The following STAG1 variants were observed in gnomAD, a reference collection of about 807,000 sequenced individuals.
STAG1 encodes cohesin subunit SA-1.
Under a neutral mutation model 170.9 loss-of-function variants are expected in STAG1, and 26 were observed. The ratio of observed to expected loss-of-function variants is 0.15; its 90% CI spans 0.11 to 0.21. STAG1 has a LOEUF of 0.21. Ranked by LOEUF, STAG1 falls within the 10% of genes least tolerant of loss-of-function variation. STAG1 has a pLI of 1.00. For synonymous variants in STAG1, 514 were observed against 497.7 expected (o/e 1.03, Z -0.44); for missense variants, 964 against 1,509.5 (o/e 0.64, Z 5.99).
At chr3:136,394,200 C>A (rs2087088268) in intron 22 of STAG1, among the ~76,000 whole-genome samples, 1 of 152,140 alleles carries the variant, frequency 6.6e-6, no homozygotes, top group African/African-American at 2.4e-5. Flanking sequence ...GCCACTGCAC[C>A]CAGCTGAAAC....
At chr3:136,502,175 TC>T (rs201709669) in intron 8 of STAG1, among the ~76,000 whole-genome samples, 1 of 149,798 alleles carries the variant, frequency 6.7e-6, no homozygotes, top group African/African-American at 2.5e-5. Context: ...CGAAACTCCA[TC>T]CCCCAAAAAA....
At chr3:136,437,686 T>C (rs1254459594) in intron 15 of STAG1, among the ~76,000 whole-genome samples, 3 of 152,210 alleles carry the variant, frequency 2.0e-5, no homozygotes, top group African/African-American at 7.2e-5. Context: ...CTCTGCAATA[T>C]ATATTATTAA....
chr3:136,742,290 G>A (rs113396797), intron 1 of STAG1, among the ~76,000 whole-genome samples: 7 of 151,954 alleles, frequency 4.6e-5, no homozygotes, highest in African/African-American at 1.4e-4. Context: ...TAACCAAGAT[G>A]GACCATATGC....
At chr3:136,717,148 C>T (rs1178991990) in intron 1 of STAG1, among the ~76,000 whole-genome samples, 4 of 152,140 alleles carry the variant, frequency 2.6e-5, no homozygotes, top group Non-Finnish European at 4.4e-5. Flanking sequence ...GTTAACCCTG[C>T]CTCAACACCT....
intron 1 of STAG1, among the ~76,000 whole-genome samples, chr3:136,738,188 GAT>G (rs1422961312): frequency 6.6e-6 from 1 of 152,050 alleles, no homozygotes; most frequent in Admixed American, 6.6e-5. Flanking sequence ...AGAAGACACT[GAT>G]CAAACAGATA....
chr3:136,380,376 G>C (rs764529998), intron 22 of STAG1, among the ~76,000 whole-genome samples: 2 of 152,086 alleles, frequency 1.3e-5, no homozygotes, highest in Middle Eastern at 3.4e-3. Context: ...TGAGTAGCTG[G>C]GACTACAGGT....
intron 9 of STAG1, among the ~76,000 whole-genome samples, chr3:136,492,854 C>T (rs1443269287): frequency 6.6e-6 from 1 of 152,066 alleles, no homozygotes; most frequent in Non-Finnish European, 1.5e-5. Context: ...TAAGAGATGA[C>T]TGAACACTCT....
At chr3:136,604,532 T>C (rs1938839475) in intron 3 of STAG1, 59 bp from the exon 4 acceptor site, 1 of 1,412,256 alleles carries the variant, frequency 7.1e-7, no homozygotes, top group African/African-American at 1.4e-5. Context: ...TTATATAAAA[T>C]GATCACTACT....
chr3:136,471,406 C>A (rs1215661604), intron 12 of STAG1, among the ~76,000 whole-genome samples: 2 of 151,634 alleles, frequency 1.3e-5, no homozygotes, highest in Admixed American at 1.3e-4. Flanking sequence ...AAACAAAAAT[C>A]AGACACAAGA....
intron 3 of STAG1, among the ~76,000 whole-genome samples, chr3:136,619,756 CAAAAAAA>C (rs62857261): frequency 3.0e-5 from 2 of 67,760 alleles, no homozygotes; most frequent in African/African-American, 6.4e-5. Context: ...GACTCTGTCT[CAAAAAAA>C]AAAAAAAAAA....
chr3:136,634,389 G>T (rs1576694441), intron 1 of STAG1, among the ~76,000 whole-genome samples: 2 of 151,508 alleles, frequency 1.3e-5, no homozygotes, highest in East Asian at 3.9e-4. Flanking sequence ...AAAAACCAGG[G>T]CACCATATAA....
chr3:136,450,255 G>A (rs186858459), intron 14 of STAG1, among the ~76,000 whole-genome samples: 1 of 152,264 alleles, frequency 6.6e-6, no homozygotes, highest in Non-Finnish European at 1.5e-5. Flanking sequence ...CCACGAGCAT[G>A]AGCACTATCT....
chr3:136,689,211 A>C (rs1270591178), intron 1 of STAG1, among the ~76,000 whole-genome samples: 1 of 152,238 alleles, frequency 6.6e-6, no homozygotes, highest in African/African-American at 2.4e-5. Context: ...AAACATACAG[A>C]TCATAACCAA....
At chr3:136,587,983 A>T (rs868393680) in intron 4 of STAG1, among the ~76,000 whole-genome samples, 5 of 152,192 alleles carry the variant, frequency 3.3e-5, no homozygotes, top group African/African-American at 7.2e-5. Flanking sequence ...AAAACAAAAA[A>T]ATAGCCTACA....
intron 5 of STAG1, among the ~76,000 whole-genome samples, chr3:136,554,365 G>A (rs113844026): frequency 4.6e-5 from 7 of 152,238 alleles, no homozygotes; most frequent in African/African-American, 1.4e-4. Context: ...CAATAAATTA[G>A]AAGGATATAA....
intron 4 of STAG1, among the ~76,000 whole-genome samples, chr3:136,597,956 T>C (rs899130226): frequency 6.6e-6 from 1 of 152,186 alleles, no homozygotes. Flanking sequence ...TTCCCTCTTG[T>C]TCCTAATTAT....
intron 9 of STAG1, among the ~76,000 whole-genome samples, chr3:136,496,617 T>G (rs554622400): frequency 2.0e-5 from 3 of 151,996 alleles, no homozygotes; most frequent in African/African-American, 7.2e-5. Context: ...AAAAATGCAA[T>G]ATATCCAAAT....
At position 136,563,522 on chromosome 3, in the gene STAG1, G is replaced by A. The variant is rs144170191; in HGVS notation, c.394+5243C>T. ...TCTAAACTTTCCGACACACACACAC[G>A]CACGCACGCACAAACTCTCTCTCTC... is the stretch of plus-strand genomic sequence containing the variant. On this transcript the variant is annotated intron_variant, in intron 5 of 33. Coordinates refer to ENST00000383202, the MANE Select transcript of STAG1 (RefSeq NM_005862.3). 1.8e-3 allele frequency among the ~76,000 whole-genome samples: 272 copies of A among 150,434 alleles called. 2 individuals carry two copies. The highest frequency in any genetic ancestry group is 2.8e-3 in the Non-Finnish European group (188 of 67,724).
chr3:136,576,843 G>A (rs937048858), intron 4 of STAG1, among the ~76,000 whole-genome samples: 2 of 152,182 alleles, frequency 1.3e-5, no homozygotes, highest in African/African-American at 4.8e-5. Flanking sequence ...TGGTTAAGCA[G>A]ACAAGGGCAC....
Sources: allele counts gnomAD v4.1 joint callset (sites outside exome capture counted in the v4.1 genomes callset), GRCh38; gene constraint gnomAD v4.1.1; transcripts MANE v1.5; gene names NCBI Gene and HGNC (gene_info 2026-07-23, HGNC 2026-07-21).